Variants in ASIC2 observed in about 807,000 individuals in gnomAD.
ASIC2 encodes the protein acid-sensing ion channel 2.
ASIC2 carries 25 observed loss-of-function variants against 57.3 expected under a neutral mutation model. The ratio of observed to expected loss-of-function variants is 0.44; its 90% confidence interval spans 0.32 to 0.61. The LOEUF is 0.61. Ranked by LOEUF, ASIC2 falls within the 20% of genes least tolerant of loss-of-function variation. The pLI, the probability that ASIC2 is intolerant of heterozygous loss-of-function variation, is 0.06. For synonymous variants in ASIC2, 319 were observed against 307.5 expected (o/e 1.04, Z -0.39); for missense variants, 641 against 738.1 (o/e 0.87, Z 1.52).
intron 1 of ASIC2, among the ~76,000 whole-genome samples, chr17:33,688,162 T>C (rs1230185709): frequency 2.6e-5 from 4 of 152,216 alleles, no homozygotes; most frequent in Non-Finnish European, 5.9e-5. Context: ...GGTAGCCTGC[T>C]GGCCTCTTAG....
At chr17:33,255,053 T>TG (rs1248521307) in intron 1 of ASIC2, among the ~76,000 whole-genome samples, 58 of 142,032 alleles carry the variant, frequency 4.1e-4, no homozygotes, top group African/African-American at 1.5e-3. Context: ...TTTTTTTTTT[T>TG]GGGACAGAGC....
chr17:33,431,160 C>A (rs568494218), intron 1 of ASIC2, among the ~76,000 whole-genome samples: 1 of 152,174 alleles, frequency 6.6e-6, no homozygotes, highest in African/African-American at 2.4e-5. Flanking sequence ...CCACTCCATT[C>A]GTGGGTCTGT....
At chr17:33,860,069 C>A (rs1914065130) in intron 1 of ASIC2, among the ~76,000 whole-genome samples, 1 of 152,132 alleles carries the variant, frequency 6.6e-6, no homozygotes, top group Non-Finnish European at 1.5e-5. Flanking sequence ...TGAATCTTGG[C>A]TCTGTCACCC....
intron 1 of ASIC2, among the ~76,000 whole-genome samples, chr17:33,883,331 C>A (rs1353288915): frequency 1.3e-5 from 2 of 152,222 alleles, no homozygotes; most frequent in Non-Finnish European, 2.9e-5. Flanking sequence ...TAGCTCCACA[C>A]AAGATTGCAG....
At chr17:34,023,555 G>C (rs1243267227) in intron 1 of ASIC2, among the ~76,000 whole-genome samples, 1 of 152,208 alleles carries the variant, frequency 6.6e-6, no homozygotes, top group East Asian at 1.9e-4. Flanking sequence ...TTGTCCATGA[G>C]AGCCCCTCCC....
intron 1 of ASIC2, among the ~76,000 whole-genome samples, chr17:33,747,360 A>G (rs1046263125): frequency 6.6e-6 from 1 of 151,012 alleles, no homozygotes; most frequent in Admixed American, 6.6e-5. Context: ...AGTAGCTGGG[A>G]CTACAGGCAT....
chr17:33,769,068 A>T (rs1215015921), intron 1 of ASIC2, among the ~76,000 whole-genome samples: 1 of 152,222 alleles, frequency 6.6e-6, no homozygotes, highest in Non-Finnish European at 1.5e-5. Context: ...GATACTGGAC[A>T]AAAGCTCGGG....
At chr17:33,372,778 G>A (rs921952336) in intron 1 of ASIC2, among the ~76,000 whole-genome samples, 3 of 152,186 alleles carry the variant, frequency 2.0e-5, no homozygotes, top group Non-Finnish European at 2.9e-5. Context: ...GCTGTGATGG[G>A]GCTTCCACGC....
chr17:33,465,794 G>C (rs1404899752), intron 1 of ASIC2, among the ~76,000 whole-genome samples: 1 of 152,214 alleles, frequency 6.6e-6, no homozygotes, highest in African/African-American at 2.4e-5. Context: ...GCCACACAGG[G>C]AGATTCCTGA....
At chr17:33,597,176 A>G (rs569091574) in intron 1 of ASIC2, among the ~76,000 whole-genome samples, 16 of 152,254 alleles carry the variant, frequency 1.1e-4, no homozygotes, top group Non-Finnish European at 1.3e-4. Context: ...GACTGTTCCC[A>G]GAAAACCACT....
intron 1 of ASIC2, among the ~76,000 whole-genome samples, chr17:33,842,435 T>C (rs1913467034): frequency 1.3e-5 from 2 of 152,196 alleles, no homozygotes; most frequent in Admixed American, 1.3e-4. Flanking sequence ...TTAGGTGTGT[T>C]TATCCAACAC....
intron 1 of ASIC2, among the ~76,000 whole-genome samples, chr17:33,904,748 T>G (rs902153705): frequency 2.0e-5 from 3 of 152,200 alleles, no homozygotes; most frequent in African/African-American, 7.2e-5. Flanking sequence ...TGTTATCAGA[T>G]GCAAAAGCTA....
At chr17:33,951,438 G>A (rs1176688275) in intron 1 of ASIC2, among the ~76,000 whole-genome samples, 2 of 152,012 alleles carry the variant, frequency 1.3e-5, no homozygotes, top group East Asian at 3.9e-4. Context: ...TATTACCATG[G>A]TCCCCGTTCC....
At chr17:33,512,672 C>T (rs1257595081) in intron 1 of ASIC2, among the ~76,000 whole-genome samples, 1 of 152,214 alleles carries the variant, frequency 6.6e-6, no homozygotes, top group African/African-American at 2.4e-5. Flanking sequence ...AAGCTTGAAG[C>T]TGCTCCAGGC....
At chr17:33,438,414 T>C (rs1241570844) in intron 1 of ASIC2, among the ~76,000 whole-genome samples, 1 of 152,040 alleles carries the variant, frequency 6.6e-6, no homozygotes, top group African/African-American at 2.4e-5. Flanking sequence ...AAGCAAAGAG[T>C]TGAAGAACAT....
chr17:33,796,758 A>G (rs1911930140), intron 1 of ASIC2, among the ~76,000 whole-genome samples: 1 of 152,182 alleles, frequency 6.6e-6, no homozygotes, highest in Non-Finnish European at 1.5e-5. Context: ...AGTGAGGGAA[A>G]AAGGTATTTC....
chr17:33,320,969 T>A lies in ASIC2; in HGVS notation c.556-208902A>T, dbSNP rs546460370. 3.0e-4 allele frequency among the ~76,000 whole-genome samples: 45 copies of A among 152,360 alleles called. 1 individual carries two copies. The highest frequency in any genetic ancestry group is 3.5e-4 in the Non-Finnish European group (24 of 68,034). ...TTCTACACTACAATTTATTTATTCA[T>A]TCTGCATGGAAGGTCACCTCATCAC... On this transcript the variant is annotated intron_variant, in intron 1 of 9. Transcript: ENST00000359872.
intron 1 of ASIC2, among the ~76,000 whole-genome samples, chr17:33,163,771 C>G (rs1905227648): frequency 6.6e-6 from 1 of 152,210 alleles, no homozygotes; most frequent in South Asian, 2.1e-4. Context: ...ATGTTAAGTG[C>G]TGTGGGGAAA....
chr17:33,891,605 C>T (rs74840124), intron 1 of ASIC2, among the ~76,000 whole-genome samples: 6 of 152,184 alleles, frequency 3.9e-5, no homozygotes, highest in African/African-American at 1.2e-4. Context: ...CCCATAGACA[C>T]TGAGGTTTGA....
Sources: gnomAD v4.1 joint callset for allele counts (sites outside exome capture counted in the v4.1 genomes callset) on GRCh38, gnomAD v4.1.1 for gene constraint, MANE v1.5 for transcripts, NCBI Gene and HGNC (gene_info 2026-07-23, HGNC 2026-07-21) for gene names.